Variants in KLC1 observed in about 807,000 individuals in gnomAD.
KLC1 encodes the protein kinesin 2 60/70kDa.
Under a neutral mutation model 84.2 loss-of-function variants are expected in KLC1, and 30 were observed. The observed-to-expected ratio is 0.36, with a 90% CI of 0.27 to 0.48. The LOEUF (loss-of-function observed/expected upper bound fraction) is 0.48, where lower values mean the gene tolerates loss of function less well. Ranked by LOEUF, KLC1 falls within the 20% of genes least tolerant of loss-of-function variation. The probability of loss-of-function intolerance (pLI) is 0.99; values close to 1 mark genes in which losing one functional copy is unlikely to be tolerated. For synonymous variants in KLC1, 289 were observed against 293.3 expected (o/e 0.99, Z 0.15); for missense variants, 499 against 805.4 (o/e 0.62, Z 4.60).
chr14:103,687,248 G>A (rs759951308), intron 14 of KLC1, 37 bp downstream of exon 14: 9 of 1,500,010 alleles, frequency 6.0e-6, no homozygotes, highest in South Asian at 1.2e-5. Flanking sequence ...CTCCCTGCAC[G>A]CCGGCTGCTG....
At chr14:103,679,175 G>A (rs1009469288) in intron 12 of KLC1, 53 of 628,270 alleles carry the variant, frequency 8.4e-5, no homozygotes, top group Non-Finnish European at 1.2e-4. Flanking sequence ...TGCAATCCCA[G>A]CCCCATCACT....
rs1026436915 is a variant in KLC1, at chr14:103,686,077, C to A, written c.1651-1004C>A. On this transcript the variant is annotated intron_variant, in intron 13 of 16. Coordinates refer to ENST00000334553, the MANE Select transcript of KLC1 (RefSeq NM_001394837.1). ...GAGCCCTGGGGGCCCCGCTCGGACT[C>A]CGGGTCTCCCTAGGATATGCCCCAG... The A allele has an allele frequency of 2.2e-4, 220 of 1,017,858 alleles. 1 individual carries two copies. The highest frequency in any genetic ancestry group is 5.6e-4 in the Admixed American group (11 of 19,506). The allele number at this position is 1,017,858 out of a possible 1,614,324, so 63.1% of individuals were successfully genotyped here.
chr14:103,695,815 G>C, intron 15 of KLC1: 2 of 985,368 alleles, frequency 2.0e-6, no homozygotes, highest in Non-Finnish European at 2.4e-6. Context: ...AAGCCAGGGG[G>C]CCTCCCTGAA....
chr14:103,686,017 G>A, intron 13 of KLC1: 1 of 1,070,404 alleles, frequency 9.3e-7, no homozygotes, highest in Non-Finnish European at 1.1e-6. Context: ...AAGCCTTACA[G>A]CAAGGCATGT....
intron 1 of KLC1, among the ~76,000 whole-genome samples, chr14:103,632,882 G>GTGGGAT (rs1168312732): frequency 6.6e-6 from 1 of 152,074 alleles, no homozygotes; most frequent in Non-Finnish European, 1.5e-5. Flanking sequence ...GGGGTCAGGG[G>GTGGGAT]TGGGATTGGG....
At chr14:103,643,825 G>C (rs1381106200) in intron 1 of KLC1, among the ~76,000 whole-genome samples, 1 of 152,138 alleles carries the variant, frequency 6.6e-6, no homozygotes, top group Non-Finnish European at 1.5e-5. Context: ...CTACTCGGGA[G>C]GCTGAGTCAG....
rs1425231754 is a variant in KLC1, at chr14:103,687,187, G to A, written c.1757G>A (p.Arg586Gln). 21 of 1,546,994 alleles carry A rather than the reference G, an allele frequency of 1.4e-5. No individual in the cohort carries two copies. Among genetic ancestry groups the A allele is most frequent in the Non-Finnish European group, 1.7e-5 (19 of 1,144,120 alleles). ...AGGAAGCTGAAGGGAGGAAGTTCAC[G>A]AGAGAGTGAGCCAAAGAACCCCGGG... Reference protein sequence around the residue: ...LVRKLKGGSSRESEPKNPGMK... With the variant: ...LVRKLKGGSSQESEPKNPGMK... The change falls in exon 14 of 17, where the codon CGA becomes CAA. Residue 586 changes from arginine to glutamine, a missense_variant. Arg to Gln is a conservative substitution (Grantham distance 43, BLOSUM62 1). This residue lies in a region of KLC1 where 167 missense variants were observed against 208.8 expected (regional missense o/e 0.80). Coordinates refer to ENST00000334553, the MANE Select transcript of KLC1 (RefSeq NM_001394837.1).
At chr14:103,699,274 C>A (rs745449993) in intron 15 of KLC1, 428 of 1,540,540 alleles carry the variant, frequency 2.8e-4, no homozygotes, top group South Asian at 3.3e-4. Context: ...GGCCACCTCA[C>A]TGCCACCCGC....
chr14:103,662,233 A>G (rs2079353103), intron 4 of KLC1, 39 bp downstream of exon 4: 1 of 1,487,766 alleles, frequency 6.7e-7, no homozygotes, highest in Non-Finnish European at 9.4e-7. Flanking sequence ...CCGAGTGCAG[A>G]AGAGAGGTGT....
At chr14:103,701,156 T>C (rs2083166218) in intron 16 of KLC1, 45 bp from the exon 17 acceptor site, 2 of 1,548,936 alleles carry the variant, frequency 1.3e-6, no homozygotes, top group Non-Finnish European at 8.7e-7. Flanking sequence ...AGTAACACTG[T>C]CAGGTTTTGG....
chr14:103,634,548 C>T (rs545812773), intron 1 of KLC1, among the ~76,000 whole-genome samples: 6 of 152,108 alleles, frequency 3.9e-5, no homozygotes, highest in African/African-American at 1.2e-4. Context: ...TGCATCATAT[C>T]GTTGAGCCAG....
chr14:103,699,574 G>A (rs1227740658), intron 15 of KLC1: 3 of 1,613,100 alleles, frequency 1.9e-6, no homozygotes, highest in Non-Finnish European at 2.5e-6. Flanking sequence ...CCAACAAGGT[G>A]TCCTGTGGGG....
intron 1 of KLC1, among the ~76,000 whole-genome samples, chr14:103,631,512 T>C (rs780287694): frequency 1.3e-5 from 2 of 152,208 alleles, no homozygotes; most frequent in Non-Finnish European, 2.9e-5. Context: ...AAACCTAGGA[T>C]AGAAAAATCA....
At chr14:103,643,129 C>T (rs557629999) in intron 1 of KLC1, among the ~76,000 whole-genome samples, 1 of 152,256 alleles carries the variant, frequency 6.6e-6, no homozygotes, top group African/African-American at 2.4e-5. Context: ...AAACAAATAT[C>T]TGTAAGTCCA....
chr14:103,685,403 G>T, intron 13 of KLC1: 1 of 1,194,710 alleles, frequency 8.4e-7, no homozygotes, highest in South Asian at 1.6e-5. Flanking sequence ...CATTTACTTT[G>T]ATGACCATTG....
rs1022485526 is a variant in KLC1 at position 103,695,975 on chromosome 14, G to C, written c.1848+3550G>C. 3.0e-6 allele frequency: 3 copies of C among 985,324 alleles called. No homozygotes were observed. In the African/African-American group the frequency reaches 5.2e-5, roughly 17 times the overall value. 61.0% of individuals were successfully genotyped at this position (985,324 alleles called of 1,614,324 possible). A position where few individuals can be genotyped will look rare whatever the true frequency, so the allele number is the denominator to read the frequency against. On this transcript the variant is annotated intron_variant, in intron 15 of 16. Transcript: ENST00000334553. ...GGCGGTCTGAATTTTTCCCTTCAGAGGAGAGAAGTGGTGGGCCCAGGCATC... is the reference window on the plus strand; with the variant it reads ...GGCGGTCTGAATTTTTCCCTTCAGACGAGAGAAGTGGTGGGCCCAGGCATC...
rs530757081 is a variant in KLC1, at chr14:103,687,070, G to A, written c.1651-11G>A. On this transcript the variant is annotated splice_polypyrimidine_tract_variant and intron_variant, in intron 13 of 16. Transcript: ENST00000334553. The stretch of plus-strand genomic sequence containing the variant: ...CACCTGCAGCTTCACGTTTGTTCAC[G>A]TTTTTTTCAGGATGGCACTGGATCT... 4.9e-5 allele frequency: 75 copies of A among 1,517,778 alleles called. No individual in the cohort carries two copies. In the East Asian group the frequency reaches 1.0e-3, roughly 21 times the overall value. 94.0% of individuals were successfully genotyped at this position (1,517,778 alleles called of 1,614,324 possible). A position where few individuals can be genotyped will look rare whatever the true frequency, so the allele number is the denominator to read the frequency against.
chr14:103,694,916 G>A lies in KLC1; in HGVS notation c.1848+2491G>A. ...CTGCTGTGTTTGTGAAAGCGCGTTT[G>A]TTTCCACAAGACAAGCTCCGTGTAG... On this transcript the variant is annotated intron_variant, in intron 15 of 16. Coordinates refer to ENST00000334553, the MANE Select transcript of KLC1 (RefSeq NM_001394837.1). This position sits in a 1 kb window ranked among gnomAD's most constrained non-coding sequence, Gnocchi z 4.5. The A allele has an allele frequency of 2.0e-6, 2 of 985,464 alleles. No individual in the cohort carries two copies. Among genetic ancestry groups the A allele is most frequent in the Non-Finnish European group, 2.4e-6 (2 of 829,938 alleles). The allele number at this position is 985,464 out of a possible 1,614,324, so 61.0% of individuals were successfully genotyped here. A position where few individuals can be genotyped will look rare whatever the true frequency, so the allele number is the denominator to read the frequency against.
At chr14:103,653,844 A>C (rs1325207427) in intron 1 of KLC1, among the ~76,000 whole-genome samples, 1 of 152,248 alleles carries the variant, frequency 6.6e-6, no homozygotes, top group Admixed American at 6.5e-5. Flanking sequence ...AGGCTAGCAG[A>C]GGGAACCATT....
Sources: gnomAD v4.1 joint callset for allele counts (sites outside exome capture counted in the v4.1 genomes callset) on GRCh38, gnomAD v4.1.1 for gene constraint, gnomAD v4.1.1 regional missense constraint, Gnocchi (gnomAD v3.1) non-coding constraint, MANE v1.5 for transcripts, NCBI Gene and HGNC (gene_info 2026-07-23, HGNC 2026-07-21) for gene names.